MSRA: variants seen among roughly 807,000 people sequenced by gnomAD.
MSRA encodes the protein methionine sulfoxide reductase A.
In MSRA, 54 loss-of-function variants were observed where a neutral mutation model predicts 31.3. The observed-to-expected ratio is 1.73, with a 90% CI of 1.39 to 2.17. MSRA has a LOEUF of 2.17. Among genes scored for constraint, MSRA ranks in the 30% most tolerant of loss-of-function variants. MSRA has a pLI of 0.00. For missense variants in MSRA, 507 were observed against 300.9 expected, an observed-to-expected ratio of 1.69 and a Z score of -5.07; for synonymous variants, 169 against 116.5, an observed-to-expected ratio of 1.45 and a Z score of -2.90.
At chr8:10,337,515 TG>T in intron 5 of MSRA, 1 of 572,642 alleles carries the variant, frequency 1.7e-6, no homozygotes, top group Non-Finnish European at 3.1e-6. Context: ...CCAAAAAGAC[TG>T]TGTGCTACTA....
chr8:10,401,187 A>C (rs1005180952), intron 5 of MSRA, among the ~76,000 whole-genome samples: 1 of 152,218 alleles, frequency 6.6e-6, no homozygotes. Context: ...AAATATTTTT[A>C]AAACCCATAC....
intron 3 of MSRA, among the ~76,000 whole-genome samples, chr8:10,283,836 T>TATATATATATATACACACACACACACAC (rs1261287031): frequency 1.9e-5 from 1 of 53,166 alleles, no homozygotes; most frequent in African/African-American, 8.6e-5. Flanking sequence ...TATATATATA[T>TATATATATATATACACACACACACACAC]ACACACACAC....
intron 3 of MSRA, among the ~76,000 whole-genome samples, chr8:10,275,311 A>G (rs1467483392): frequency 6.6e-6 from 1 of 152,226 alleles, no homozygotes. Context: ...ACAGCTCTCT[A>G]AGCAGAAGAG....
At chr8:10,427,977 C>A (rs185604064) in intron 5 of MSRA, among the ~76,000 whole-genome samples, 171 bp from the exon 6 acceptor site, 1 of 152,234 alleles carries the variant, frequency 6.6e-6, no homozygotes, top group African/African-American at 2.4e-5. Context: ...CAAGGTAAGT[C>A]CCTGCCCAGC....
At position 10,054,507 on chromosome 8, in the gene MSRA, G is replaced by C; in HGVS notation, c.-10G>C. On this transcript the variant is annotated 5_prime_UTR_variant, in exon 1 of 6. Transcript: ENST00000317173. Reference sequence around the variant, plus strand: ...GTCCCCCGGGACCACCCTTCGGCTGGCGCCCTCCCATGCTCTCGGCCACCC... The same window carrying C: ...GTCCCCCGGGACCACCCTTCGGCTGCCGCCCTCCCATGCTCTCGGCCACCC... 3 of 1,571,740 alleles carry C rather than the reference G, an allele frequency of 1.9e-6. No homozygotes were observed. Among genetic ancestry groups the C allele is most frequent in the Non-Finnish European group, 2.6e-6 (3 of 1,160,096 alleles).
At chr8:10,227,112 T>C (rs964515309) in intron 2 of MSRA, among the ~76,000 whole-genome samples, 1 of 152,178 alleles carries the variant, frequency 6.6e-6, no homozygotes, top group African/African-American at 2.4e-5. Context: ...TGAGGCACAT[T>C]CTGAGGAGAG....
chr8:10,298,016 T>C lies in MSRA; in HGVS notation c.332-3518T>C, dbSNP rs1385045024. Among the ~76,000 whole-genome samples the C allele has an allele frequency of 2.0e-5, 3 of 152,134 alleles. No individual in the cohort carries two copies. In the East Asian group the frequency reaches 5.8e-4, roughly 29 times the overall value. On this transcript the variant is annotated intron_variant, in intron 3 of 5. Transcript: ENST00000317173. Reference sequence around the variant, plus strand: ...CAGAAGCTCAGGTCATAGTAGGAGGTTGAGCTTCATCCCCGGTTGAAACCT... The same window carrying C: ...CAGAAGCTCAGGTCATAGTAGGAGGCTGAGCTTCATCCCCGGTTGAAACCT...
chr8:10,313,061 G>C (rs1306059305), intron 4 of MSRA, among the ~76,000 whole-genome samples: 1 of 152,152 alleles, frequency 6.6e-6, no homozygotes. Flanking sequence ...AAATCCACTA[G>C]ATACCTATTT....
intron 3 of MSRA, among the ~76,000 whole-genome samples, chr8:10,259,451 C>A (rs74929257): frequency 6.6e-6 from 1 of 152,136 alleles, no homozygotes; most frequent in Non-Finnish European, 1.5e-5. Flanking sequence ...GGACATACTT[C>A]CTGGTGAAGC....
At chr8:10,291,297 C>T (rs1800220886) in intron 3 of MSRA, among the ~76,000 whole-genome samples, 1 of 147,982 alleles carries the variant, frequency 6.8e-6, no homozygotes, top group Non-Finnish European at 1.5e-5. Flanking sequence ...CATGGCGGGC[C>T]AACAACAACA....
At chr8:10,280,531 A>G (rs1218519120) in intron 3 of MSRA, among the ~76,000 whole-genome samples, 1 of 152,232 alleles carries the variant, frequency 6.6e-6, no homozygotes, top group Admixed American at 6.5e-5. Flanking sequence ...TAAGCTAGAC[A>G]ACTTAAAAAA....
intron 1 of MSRA, among the ~76,000 whole-genome samples, chr8:10,169,604 GAA>G (rs1439908333): frequency 6.6e-6 from 1 of 152,110 alleles, no homozygotes; most frequent in African/African-American, 2.4e-5. Flanking sequence ...AGCCATAAAA[GAA>G]AATGATAGAT....
intron 5 of MSRA, among the ~76,000 whole-genome samples, chr8:10,374,058 A>C (rs1805623812): frequency 6.6e-6 from 1 of 152,184 alleles, no homozygotes; most frequent in African/African-American, 2.4e-5. Flanking sequence ...AGGAAACACC[A>C]GTGGAGACAT....
chr8:10,248,749 G>C (rs2952220), intron 3 of MSRA, among the ~76,000 whole-genome samples: 152,097 of 152,334 alleles, frequency 1, 75,930 homozygotes, highest in Middle Eastern at 1. Flanking sequence ...GAGGAGGTGT[G>C]CCCATCGTGG....
chr8:10,071,065 C>A (rs980524844), intron 1 of MSRA, among the ~76,000 whole-genome samples: 2 of 152,168 alleles, frequency 1.3e-5, no homozygotes, highest in Non-Finnish European at 2.9e-5. Context: ...TGTTTAGTTT[C>A]ATAAGAAACT....
At chr8:10,212,193 A>C (rs1030803783) in intron 2 of MSRA, among the ~76,000 whole-genome samples, 1 of 152,098 alleles carries the variant, frequency 6.6e-6, no homozygotes, top group Non-Finnish European at 1.5e-5. Context: ...TCTAAAAAAA[A>C]AAAAAATTTA....
chr8:10,123,600 A>G (rs973585086), intron 1 of MSRA, among the ~76,000 whole-genome samples: 5 of 151,952 alleles, frequency 3.3e-5, no homozygotes, highest in African/African-American at 7.3e-5. Context: ...GCCCATTCCT[A>G]TGTTCAGGGC....
intron 1 of MSRA, among the ~76,000 whole-genome samples, chr8:10,062,066 C>T (rs761328756): frequency 2.0e-5 from 3 of 152,194 alleles, no homozygotes; most frequent in Non-Finnish European, 2.9e-5. Context: ...GAGGAGACAT[C>T]AGCCTGGGGC....
intron 1 of MSRA, among the ~76,000 whole-genome samples, chr8:10,124,117 C>A (rs1214010250): frequency 6.6e-6 from 1 of 152,004 alleles, no homozygotes; most frequent in Non-Finnish European, 1.5e-5. Flanking sequence ...TGATAAAGAC[C>A]ACTGGATCAG....
Sources: gnomAD v4.1 joint callset for allele counts (sites outside exome capture counted in the v4.1 genomes callset) on GRCh38, gnomAD v4.1.1 for gene constraint, MANE v1.5 for transcripts, NCBI Gene and HGNC (gene_info 2026-07-23, HGNC 2026-07-21) for gene names.